The following IL4R variants were observed in gnomAD, a reference collection of about 807,000 sequenced individuals.
IL4R encodes interleukin 4 receptor.
IL4R carries 17 observed loss-of-function variants against 41.5 expected under a neutral mutation model. That is an observed-to-expected ratio of 0.41 (90% CI 0.28 to 0.61). The LOEUF is 0.61. Ranked by LOEUF, IL4R falls within the 20% of genes least tolerant of loss-of-function variation. The pLI is 0.31. For missense variants in IL4R, 974 were observed against 1,043.1 expected (o/e 0.93, Z 0.91); for synonymous variants, 402 against 422.9 (o/e 0.95, Z 0.61).
chr16:27,350,577 A>G (rs2141171460), intron 6 of IL4R, among the ~76,000 whole-genome samples: 1 of 152,184 alleles, frequency 6.6e-6, no homozygotes, highest in Admixed American at 6.6e-5. Context: ...GAGGAAGAGG[A>G]GAGGGAGGTG....
chr16:27,346,204 A>T (rs2085636829), intron 5 of IL4R, among the ~76,000 whole-genome samples: 2 of 152,176 alleles, frequency 1.3e-5, no homozygotes, highest in Non-Finnish European at 2.9e-5. Flanking sequence ...CAGCCTGGGC[A>T]ACAGAGTGGG....
chr16:27,321,849 GAT>G (rs1178672840), intron 1 of IL4R, among the ~76,000 whole-genome samples: 8 of 152,210 alleles, frequency 5.3e-5, no homozygotes, highest in African/African-American at 1.9e-4. Flanking sequence ...TTTTGAGACA[GAT>G]AGAATTTTTT....
At chr16:27,314,264 T>G in intron 1 of IL4R, 1 of 343,270 alleles carries the variant, frequency 2.9e-6, no homozygotes, top group Non-Finnish European at 4.1e-6. Flanking sequence ...CCAAAGCCGG[T>G]GCTGGCAGTG....
chr16:27,325,466 C>T (rs2084931937), intron 1 of IL4R, among the ~76,000 whole-genome samples: 1 of 151,650 alleles, frequency 6.6e-6, no homozygotes, highest in Non-Finnish European at 1.5e-5. Flanking sequence ...CCCAGCTACT[C>T]GGGAGACTGA....
intron 7 of IL4R, 88 bp downstream of exon 7, chr16:27,352,784 C>A: frequency 7.4e-7 from 1 of 1,359,044 alleles, no homozygotes; most frequent in Non-Finnish European, 1.0e-6. Context: ...AGTCTCTGGG[C>A]TTTTATATCA....
rs765758630 is a variant in IL4R at position 27,345,203 on chromosome 16, G to A, written c.361+183G>A. On this transcript the variant is annotated intron_variant, in intron 5 of 10. Transcript: ENST00000395762. This position sits in a 1 kb window ranked among gnomAD's most constrained non-coding sequence, Gnocchi z 4.5. ...GCCTCAGTCCTCCCACCTTTGAAAC[G>A]GAGCTGGTCGCAGTAGACCACCAAG... 65 of 747,146 alleles carry A rather than the reference G, an allele frequency of 8.7e-5. No homozygotes were observed. Among genetic ancestry groups the A allele is most frequent in the Admixed American group, 4.0e-5 (2 of 49,798 alleles). 46.3% of individuals were successfully genotyped at this position (747,146 alleles called of 1,614,324 possible).
intron 1 of IL4R, among the ~76,000 whole-genome samples, chr16:27,327,362 C>CGCTTCCAGGCTGCTGCTGGCTT (rs1321765558): frequency 6.6e-6 from 1 of 152,136 alleles, no homozygotes; most frequent in East Asian, 1.9e-4. Context: ...CCTGCTGGGT[C>CGCTTCCAGGCTGCTGCTGGCTT]GCTTCCAGGC....
chr16:27,359,203 G>A (rs1296052641), intron 9 of IL4R, among the ~76,000 whole-genome samples: 1 of 152,206 alleles, frequency 6.6e-6, no homozygotes, highest in East Asian at 1.9e-4. Flanking sequence ...CCCAGCCTGG[G>A]GTGGGCTTCT....
intron 8 of IL4R, among the ~76,000 whole-genome samples, chr16:27,357,865 G>T (rs2086136717): frequency 6.6e-6 from 1 of 151,348 alleles, no homozygotes; most frequent in African/African-American, 2.4e-5. Flanking sequence ...TACCATGAAT[G>T]AATGACCTCA....
Position 27,342,266 on chromosome 16 carries a change from C to G in IL4R, c.209+7C>G. 1 of 1,614,128 alleles carries G rather than the reference C, an allele frequency of 6.2e-7. No homozygotes were observed. Among genetic ancestry groups the G allele is most frequent in the Non-Finnish European group, 8.5e-7 (1 of 1,179,982 alleles). On this transcript the variant is annotated splice_region_variant and intron_variant, in intron 4 of 10. Coordinates refer to ENST00000395762, the MANE Select transcript of IL4R (RefSeq NM_000418.4). ...TGGTTTTTCTGCTCTCCGAGTAAGC[C>G]TGCGCTGGAGCTGGAGGTTTGGGGA...
rs997171964 is a variant in IL4R at position 27,314,037 on chromosome 16, G to A, written c.-152+17G>A. On this transcript the variant is annotated intron_variant, in intron 1 of 10. Coordinates refer to ENST00000395762, the MANE Select transcript of IL4R (RefSeq NM_000418.4). Reference sequence around the variant, plus strand: ...GGCGCGCAGGTAGGATCCGGGGCCCGCGCGCGGATCGGGTTGCGAAGGTAT... The same window carrying A: ...GGCGCGCAGGTAGGATCCGGGGCCCACGCGCGGATCGGGTTGCGAAGGTAT... 3.2e-5 allele frequency: 32 copies of A among 985,044 alleles called. No homozygotes were observed. The highest frequency in any genetic ancestry group is 2.9e-5 in the Non-Finnish European group (24 of 829,816). The allele number at this position is 985,044 out of a possible 1,614,324, so 61.0% of individuals were successfully genotyped here. A position where few individuals can be genotyped will look rare whatever the true frequency, so the allele number is the denominator to read the frequency against.
Position 27,335,826 on chromosome 16 carries a change from A to G in IL4R, c.-18-4360A>G, listed in dbSNP as rs539695428. ...GAAGGCATGATAATCAAATGTGATG[A>G]ATGATCTTGGATTGCATCCTGGACG... is the stretch of plus-strand genomic sequence containing the variant. On this transcript the variant is annotated intron_variant, in intron 2 of 10. Coordinates refer to ENST00000395762, the MANE Select transcript of IL4R (RefSeq NM_000418.4). Among the ~76,000 whole-genome samples the G allele has an allele frequency of 5.9e-5, 9 of 152,238 alleles. 1 individual carries two copies. The South Asian group carries it at 1.9e-3, about 32-fold the overall frequency.
intron 1 of IL4R, among the ~76,000 whole-genome samples, chr16:27,321,793 T>C (rs542437173): frequency 6.6e-6 from 1 of 152,372 alleles, no homozygotes; most frequent in East Asian, 1.9e-4. Flanking sequence ...AGAATTTCCC[T>C]TTTGGTTCCC....
In IL4R at chr16:27,362,711, C is replaced by T. The variant is rs1346333894; in HGVS notation, c.1359C>T (p.Pro453=). ...MPWDEFPSAG[P]KEAPPWGKEQ... ...GGGATGAGTTCCCAAGTGCAGGGCC[C>T]AAGGAGGCACCTCCCTGGGGCAAGG... The change falls in exon 11 of 11, where the codon CCC becomes CCT. Residue 453 remains proline (P), a synonymous_variant. Coordinates refer to ENST00000395762, the MANE Select transcript of IL4R (RefSeq NM_000418.4). 1.9e-6 allele frequency: 3 copies of T among 1,614,118 alleles called. No individual in the cohort carries two copies. Among genetic ancestry groups the T allele is most frequent in the Non-Finnish European group, 2.5e-6 (3 of 1,180,008 alleles).
chr16:27,350,846 G>GA lies in IL4R; in HGVS notation c.514-1691dup, dbSNP rs2085842655. 2.0e-5 allele frequency among the ~76,000 whole-genome samples: 3 copies of GA among 152,300 alleles called. No homozygotes were observed. In the South Asian group the frequency reaches 6.2e-4, roughly 32 times the overall value. ...CTGCTGTCTGTCTCTTGCCAGAAGG[G>GA]AAAGGGAGGCAAGGTTAGGGCAGGC... On this transcript the variant is annotated intron_variant, in intron 6 of 10. Coordinates refer to ENST00000395762, the MANE Select transcript of IL4R (RefSeq NM_000418.4).
intron 6 of IL4R, among the ~76,000 whole-genome samples, chr16:27,350,846 G>A (rs529882929): frequency 3.3e-5 from 5 of 152,300 alleles, no homozygotes; most frequent in African/African-American, 1.2e-4. Context: ...TGCCAGAAGG[G>A]AAAGGGAGGC....
chr16:27,320,948 C>CT (rs201149622), intron 1 of IL4R, among the ~76,000 whole-genome samples: 62,691 of 143,234 alleles, frequency 0.44, 13,894 homozygotes, highest in Non-Finnish European at 0.48. Flanking sequence ...TTCTTTCTTT[C>CT]TTTTTTTTTT....
chr16:27,348,061 T>C (rs903998223), intron 6 of IL4R, among the ~76,000 whole-genome samples: 3 of 152,242 alleles, frequency 2.0e-5, no homozygotes, highest in African/African-American at 7.2e-5. Context: ...CTGGGCCTGG[T>C]TGGCTCTCAG....
intron 1 of IL4R, among the ~76,000 whole-genome samples, chr16:27,326,928 A>C (rs1309580433): frequency 6.6e-6 from 1 of 152,072 alleles, no homozygotes; most frequent in Non-Finnish European, 1.5e-5. Flanking sequence ...CGTGGCTGCC[A>C]TTTCTGGAAA....
Sources: allele counts gnomAD v4.1 joint callset (sites outside exome capture counted in the v4.1 genomes callset), GRCh38; gene constraint gnomAD v4.1.1; non-coding constraint Gnocchi (gnomAD v3.1); transcripts MANE v1.5; gene names NCBI Gene and HGNC (gene_info 2026-07-23, HGNC 2026-07-21).